The following DGKA variants were observed in gnomAD, a reference collection of about 807,000 sequenced individuals.
The protein encoded by DGKA is diacylglycerol kinase alpha.
DGKA carries 35 observed loss-of-function variants against 105.0 expected under a neutral mutation model. The ratio of observed to expected loss-of-function variants is 0.33; its 90% CI spans 0.25 to 0.44. DGKA has a LOEUF of 0.44. Ranked by LOEUF, DGKA falls within the 20% of genes least tolerant of loss-of-function variation. DGKA has a pLI of 1.00. For synonymous variants in DGKA, 296 were observed against 332.0 expected (o/e 0.89, Z 1.18); for missense variants, 665 against 915.0 (o/e 0.73, Z 3.53).
chr12:55,953,423 G>T lies in DGKA; in HGVS notation c.2124+13G>T, dbSNP rs1280239017. On this transcript the variant is annotated intron_variant, in intron 23 of 23. Coordinates refer to ENST00000331886, the MANE Select transcript of DGKA (RefSeq NM_001345.5). ...GACGCCCTGTACAGTGAGTATTGAC[G>T]ATCCCAGCCAAAAATTAAACCCTTG... The T allele has an allele frequency of 6.2e-7, 1 of 1,613,580 alleles. No individual in the cohort carries two copies. Among genetic ancestry groups the T allele is most frequent in the South Asian group, 1.1e-5 (1 of 91,036 alleles).
chr12:55,952,735 T>C lies in DGKA; in HGVS notation c.1745T>C (p.Ile582Thr), dbSNP rs973890320. The C allele has an allele frequency of 3.1e-6, 5 of 1,613,864 alleles. No homozygotes were observed. Among genetic ancestry groups the C allele is most frequent in the Non-Finnish European group, 4.2e-6 (5 of 1,180,010 alleles). Residue 582 changes from isoleucine (I) to threonine (T), a missense_variant and splice_region_variant, in exon 21 of 24, where the codon ATC (isoleucine) becomes ACC (threonine). Transcript: ENST00000331886. This position sits in a 1 kb window ranked among gnomAD's most constrained non-coding sequence, Gnocchi z 5.1. ...TGGGACTGTGCCCCCTCCTCTCAGA[T>C]CTGTGGGAAACCGCTGGATCTGAGC... ...KKLEESLTVE[I>T]CGKPLDLSNL...
chr12:55,940,486 T>C lies in DGKA; in HGVS notation c.918+53T>C. On this transcript the variant is annotated intron_variant, in intron 11 of 23. Coordinates refer to ENST00000331886, the MANE Select transcript of DGKA (RefSeq NM_001345.5). This position sits in a 1 kb window ranked among gnomAD's most constrained non-coding sequence, Gnocchi z 4.3. ...TGCGTCTTACCCCGCAGAGCTGCCT[T>C]CTCCACGGGCCTCCGGCCACACCTC... 1 of 1,603,630 alleles carries C rather than the reference T, an allele frequency of 6.2e-7. No individual in the cohort carries two copies. Among genetic ancestry groups the C allele is most frequent in the Non-Finnish European group, 8.5e-7 (1 of 1,174,244 alleles).
chr12:55,941,423 C>T, intron 14 of DGKA, 87 bp from the exon 15 acceptor site: 1 of 1,583,964 alleles, frequency 6.3e-7, no homozygotes, highest in Non-Finnish European at 8.7e-7. Flanking sequence ...AGGGGCATAC[C>T]TTGAGGAACA....
upstream of DGKA, chr12:55,927,709 G>A (rs1358348733): frequency 1.3e-6 from 2 of 1,539,242 alleles, no homozygotes; most frequent in South Asian, 1.2e-5. Context: ...GGCGGAGGGC[G>A]CCGCGGGTCG....
chr12:55,936,881 A>G, intron 2 of DGKA, 136 bp from the exon 3 acceptor site: 3 of 903,388 alleles, frequency 3.3e-6, no homozygotes, highest in Non-Finnish European at 5.6e-6. Context: ...GATCTGAAAT[A>G]TTTTTCCCTC....
chr12:55,953,212 C>T, intron 22 of DGKA, 52 bp downstream of exon 22: 1 of 1,613,046 alleles, frequency 6.2e-7, no homozygotes, highest in Non-Finnish European at 8.5e-7. Context: ...GCTGGGGCAG[C>T]AGAAGGGTCA....
intron 1 of DGKA, among the ~76,000 whole-genome samples, chr12:55,933,325 G>A (rs897359560): frequency 3.3e-5 from 5 of 152,194 alleles, no homozygotes; most frequent in East Asian, 1.9e-4. Context: ...TTCCTTTCTC[G>A]CCCCAATTGG....
At chr12:55,941,869 A>G in intron 15 of DGKA, 129 bp from the exon 16 acceptor site, 3 of 1,009,694 alleles carry the variant, frequency 3.0e-6, no homozygotes, top group Non-Finnish European at 4.6e-6. Context: ...CTTCATAGAA[A>G]CTCAAGTCTT....
intron 17 of DGKA, among the ~76,000 whole-genome samples, chr12:55,951,099 A>G (rs1888062666): frequency 6.6e-6 from 1 of 152,194 alleles, no homozygotes; most frequent in Non-Finnish European, 1.5e-5. Flanking sequence ...CCCTTTCCCC[A>G]GCACCATTTA....
In DGKA at chr12:55,952,144, G is replaced by A. The variant is rs1888292724; in HGVS notation, c.1652+45G>A. ...AGTGTGGGCATACACAGTGTCAGGA[G>A]CCAGGTTTTGACCAAGTTTGACTCA... On this transcript the variant is annotated intron_variant, in intron 19 of 23. Transcript: ENST00000331886. This position sits in a 1 kb window ranked among gnomAD's most constrained non-coding sequence, Gnocchi z 5.1. 8.7e-6 allele frequency: 14 copies of A among 1,612,204 alleles called. No individual in the cohort carries two copies. Among genetic ancestry groups the A allele is most frequent in the Non-Finnish European group, 1.0e-5 (12 of 1,178,494 alleles).
chr12:55,937,350 C>G lies in DGKA; in HGVS notation c.139-58C>G. ...ATCCCTGTCCCCGCTACTCCCAATT[C>G]TTCAGCCCCAGCTCTGACCTTGCAG... On this transcript the variant is annotated intron_variant, in intron 3 of 23. Transcript: ENST00000331886. 4 of 1,584,934 alleles carry G rather than the reference C, an allele frequency of 2.5e-6. No homozygotes were observed. In the Admixed American group the frequency reaches 6.9e-5, roughly 27 times the overall value.
In DGKA at chr12:55,942,317, G is replaced by C. The variant is rs1212002670; in HGVS notation, c.1426+54G>C. ...GGCTGAGAGGAGTTGTGTAGGAAGG[G>C]AAAGGCACTTAGAGAAGAAACTAGG... On this transcript the variant is annotated intron_variant, in intron 17 of 23. Transcript: ENST00000331886. 1.9e-6 allele frequency: 3 copies of C among 1,553,418 alleles called. No individual in the cohort carries two copies. In the Admixed American group the frequency reaches 5.0e-5, roughly 26 times the overall value.
Position 55,945,070 on chromosome 12 carries a change from G to T in DGKA, c.1426+2807G>T, listed in dbSNP as rs141401115. ...CCACCTCTGCCTCCCAAAGTGCTGG[G>T]ATTATATGCGTGAGCCACCGTGCCC... On this transcript the variant is annotated intron_variant, in intron 17 of 23. Coordinates refer to ENST00000331886, the MANE Select transcript of DGKA (RefSeq NM_001345.5). Among the ~76,000 whole-genome samples, 777 of 152,318 alleles carry T rather than the reference G, an allele frequency of 5.1e-3. 2 individuals carry two copies. The highest frequency in any genetic ancestry group is 8.1e-3 in the Non-Finnish European group (550 of 68,026).
intron 1 of DGKA, among the ~76,000 whole-genome samples, chr12:55,933,331 A>G (rs1163858093): frequency 2.0e-5 from 3 of 152,098 alleles, no homozygotes; most frequent in Admixed American, 6.5e-5. Context: ...TCTCGCCCCA[A>G]TTGGGTAGGG....
At position 55,939,248 on chromosome 12, in the gene DGKA, G is replaced by C; in HGVS notation, c.537G>C (p.Glu179Asp). ...YDGSGSVSQA[E>D]WVRAGATTVP... ...GCAGTGGCTCTGTCTCTCAAGCTGA[G>C]TGGGTCCGGGCTGGGGCCACCACCG... Residue 179 changes from glutamate to aspartate, a missense_variant, in exon 8 of 24, where the codon GAG becomes GAC. Physicochemically the swap from Glu to Asp is conservative, Grantham distance 45 (BLOSUM62 2). Coordinates refer to ENST00000331886, the MANE Select transcript of DGKA (RefSeq NM_001345.5). 6.2e-7 allele frequency: 1 copy of C among 1,614,240 alleles called. No individual in the cohort carries two copies. Among genetic ancestry groups the C allele is most frequent in the Non-Finnish European group, 8.5e-7 (1 of 1,180,046 alleles).
chr12:55,951,875 G>C (rs780996315), intron 18 of DGKA, 92 bp downstream of exon 18: 8 of 1,538,556 alleles, frequency 5.2e-6, no homozygotes, highest in Non-Finnish European at 7.1e-6. Context: ...GAGGTTAAGT[G>C]ACCTGTGACA....
chr12:55,946,280 C>T (rs975694229), intron 17 of DGKA, among the ~76,000 whole-genome samples: 1 of 152,148 alleles, frequency 6.6e-6, no homozygotes, highest in Non-Finnish European at 1.5e-5. Context: ...TAGCGATTCT[C>T]CTGCCTCAGC....
upstream of DGKA, chr12:55,930,318 A>G (rs1192892540): frequency 6.6e-6 from 1 of 152,244 alleles, no homozygotes; most frequent in African/African-American, 2.4e-5. Context: ...ACAGTGAAGA[A>G]AATACTGTAA....
Position 55,932,486 on chromosome 12 carries a change from C to G in DGKA, c.-82+1142C>G, listed in dbSNP as rs1233547289. The G allele has an allele frequency of 1.4e-6, 1 of 700,940 alleles. No individual in the cohort carries two copies. Among genetic ancestry groups the G allele is most frequent in the East Asian group, 2.7e-5 (1 of 37,258 alleles). The allele number at this position is 700,940 out of a possible 1,614,324, so 43.4% of individuals were successfully genotyped here. A position where few individuals can be genotyped will look rare whatever the true frequency, so the allele number is the denominator to read the frequency against. On this transcript the variant is annotated intron_variant, in intron 1 of 23. Transcript: ENST00000331886. The surrounding 1 kb of genome is among the most constrained non-coding windows in gnomAD (Gnocchi z 4.3). The stretch of plus-strand genomic sequence containing the variant: ...GGCCTCCAGGTCCCCAACTTCCCAC[C>G]CCATCCTCTCCCCACCTGTCACTGG...
Sources: allele counts gnomAD v4.1 joint callset (sites outside exome capture counted in the v4.1 genomes callset), GRCh38; gene constraint gnomAD v4.1.1; non-coding constraint Gnocchi (gnomAD v3.1); transcripts MANE v1.5; gene names NCBI Gene and HGNC (gene_info 2026-07-23, HGNC 2026-07-21).